ZNF652: variants seen among roughly 807,000 people sequenced by gnomAD.
ZNF652 encodes zinc finger protein 652.
Under a neutral mutation model 45.2 loss-of-function variants are expected in ZNF652, and 16 were observed. That is an observed-to-expected ratio of 0.35 (90% confidence interval 0.24 to 0.54). ZNF652 has a LOEUF of 0.54. Among genes scored for constraint, ZNF652 ranks in the 20% least tolerant of loss-of-function variants. The pLI is 0.91. For missense variants in ZNF652, 614 were observed against 765.6 expected, an observed-to-expected ratio of 0.80 and a Z score of 2.34; for synonymous variants, 250 against 260.6, an observed-to-expected ratio of 0.96 and a Z score of 0.39.
At chr17:49,301,769 G>C (rs1052796367) in intron 5 of ZNF652, among the ~76,000 whole-genome samples, 1 of 151,786 alleles carries the variant, frequency 6.6e-6, no homozygotes, top group Admixed American at 6.6e-5. Flanking sequence ...TTTCAAGCCT[G>C]TAATCCCAGC....
At chr17:49,311,263 T>C (rs1567918719) in intron 5 of ZNF652, 49 bp downstream of exon 5, 3 of 1,568,738 alleles carry the variant, frequency 1.9e-6, no homozygotes, top group East Asian at 2.3e-5. Flanking sequence ...CAGATGATCA[T>C]CAACAAGTGC....
At position 49,290,740 on chromosome 17, in the gene ZNF652, T is replaced by C. The variant is rs979509105; in HGVS notation, c.*7673A>G. The stretch of plus-strand genomic sequence containing the variant: ...GACTCCACACCCACACATCAATCAT[T>C]GCTTGGCATCATGAGGGATGAACGA... On this transcript the variant is annotated 3_prime_UTR_variant, in exon 6 of 6. Coordinates refer to ENST00000430262, the MANE Select transcript of ZNF652 (RefSeq NM_001145365.3). 2.8e-4 allele frequency: 42 copies of C among 152,228 alleles called. No homozygotes were observed. Among genetic ancestry groups the C allele is most frequent in the African/African-American group, 1.0e-3 (42 of 41,468 alleles). The allele number at this position is 152,228 out of a possible 1,614,324, so 9.4% of individuals were successfully genotyped here.
At chr17:49,308,608 C>A (rs2069664313) in intron 5 of ZNF652, among the ~76,000 whole-genome samples, 1 of 152,046 alleles carries the variant, frequency 6.6e-6, no homozygotes. Flanking sequence ...TCAAGACCAG[C>A]CTGGCCAACA....
chr17:49,356,708 G>A (rs2070341281), intron 1 of ZNF652, among the ~76,000 whole-genome samples: 1 of 151,966 alleles, frequency 6.6e-6, no homozygotes, highest in African/African-American at 2.4e-5. Context: ...TCCACTGATG[G>A]GCAAGCCTGT....
At chr17:49,312,515 A>G (rs917570512) in intron 3 of ZNF652, among the ~76,000 whole-genome samples, 183 bp downstream of exon 3, 7 of 152,146 alleles carry the variant, frequency 4.6e-5, no homozygotes, top group Non-Finnish European at 2.9e-5. Flanking sequence ...TGTTGAAAAG[A>G]AAGCTGGGTG....
intron 1 of ZNF652, among the ~76,000 whole-genome samples, chr17:49,328,176 T>C (rs979396139): frequency 1.3e-5 from 2 of 152,054 alleles, no homozygotes; most frequent in African/African-American, 4.8e-5. Flanking sequence ...CACTCACCTA[T>C]ACACATAACA....
chr17:49,339,786 T>C (rs1221999304), intron 1 of ZNF652, among the ~76,000 whole-genome samples: 1 of 152,214 alleles, frequency 6.6e-6, no homozygotes, highest in Non-Finnish European at 1.5e-5. Flanking sequence ...ACAGAGCCAT[T>C]GTTCCTGCCA....
chr17:49,327,808 G>A (rs1458688796), intron 1 of ZNF652, among the ~76,000 whole-genome samples: 1 of 99,828 alleles, frequency 1.0e-5, no homozygotes, highest in East Asian at 3.3e-4. Flanking sequence ...AGTAGAGATA[G>A]GGTTTCACCA....
chr17:49,351,041 AC>A (rs1305893242), intron 1 of ZNF652, among the ~76,000 whole-genome samples: 2 of 134,792 alleles, frequency 1.5e-5, no homozygotes, highest in Non-Finnish European at 3.2e-5. Flanking sequence ...ACACACACAC[AC>A]ACACACACAC....
rs777322991 is a variant in ZNF652, at chr17:49,316,787, C to G, written c.900+39G>C. The G allele has an allele frequency of 2.5e-6, 4 of 1,568,896 alleles. No individual in the cohort carries two copies. In the South Asian group the frequency reaches 3.6e-5, roughly 14 times the overall value. On this transcript the variant is annotated intron_variant, in intron 2 of 5. Coordinates refer to ENST00000430262, the MANE Select transcript of ZNF652 (RefSeq NM_001145365.3). Reference sequence around the variant, plus strand: ...CCAGATGAATCTGAACAGCCAGGTTCTATCCTGAAAAGTTTTCCCTCTCGG... The same window carrying G: ...CCAGATGAATCTGAACAGCCAGGTTGTATCCTGAAAAGTTTTCCCTCTCGG...
In ZNF652 at chr17:49,294,566, T is replaced by C. The variant is rs2069446447; in HGVS notation, c.*3847A>G. The C allele has an allele frequency of 6.6e-6, 1 of 152,308 alleles. No homozygotes were observed. The highest frequency in any genetic ancestry group is 2.4e-5 in the African/African-American group (1 of 41,562). The allele number at this position is 152,308 out of a possible 1,614,324, so 9.4% of individuals were successfully genotyped here. Reference sequence around the variant, plus strand: ...TCCGAATGAGCCTATCTGACTCAATTTGAGAAAGCAGCAGCCTTTATTAAG... The same window carrying C: ...TCCGAATGAGCCTATCTGACTCAATCTGAGAAAGCAGCAGCCTTTATTAAG... On this transcript the variant is annotated 3_prime_UTR_variant, in exon 6 of 6. Transcript: ENST00000430262.
rs535297145 is a variant in ZNF652, at chr17:49,294,087, A to G, written c.*4326T>C. Among the ~76,000 whole-genome samples the G allele has an allele frequency of 3.9e-5, 6 of 152,202 alleles. No homozygotes were observed. The highest frequency in any genetic ancestry group is 8.8e-5 in the Non-Finnish European group (6 of 68,024). ...ATTTCTATCTCTGCTTCATCTTCTCAAAATTTAAAACTTCCAGTGAAATAA... is the reference window on the plus strand; with the variant it reads ...ATTTCTATCTCTGCTTCATCTTCTCGAAATTTAAAACTTCCAGTGAAATAA... On this transcript the variant is annotated 3_prime_UTR_variant, in exon 6 of 6. Transcript: ENST00000430262.
At chr17:49,307,612 C>T (rs113056032) in intron 5 of ZNF652, among the ~76,000 whole-genome samples, 11,889 of 147,194 alleles carry the variant, frequency 0.081, 577 homozygotes, top group Middle Eastern at 0.15. Flanking sequence ...ATAGGCTGGG[C>T]GTGGCAGCAT....
At chr17:49,311,808 GA>G in intron 4 of ZNF652, 118 bp downstream of exon 4, 1 of 811,958 alleles carries the variant, frequency 1.2e-6, no homozygotes, top group African/African-American at 1.7e-5. Context: ...ACACATGTCT[GA>G]AAGTTCTGTG....
Position 49,306,383 on chromosome 17 carries a change from C to T in ZNF652, c.1309+4929G>A, listed in dbSNP as rs111399170. On this transcript the variant is annotated intron_variant, in intron 5 of 5. Coordinates refer to ENST00000430262, the MANE Select transcript of ZNF652 (RefSeq NM_001145365.3). ...ATTAATATAAGAAATCATTTCTCAC[C>T]TATCAAATCAGCAAGGATTTTATTT... is the stretch of plus-strand genomic sequence containing the variant. Among the ~76,000 whole-genome samples, 140 of 152,300 alleles carry T rather than the reference C, an allele frequency of 9.2e-4. 1 individual carries two copies. The highest frequency in any genetic ancestry group is 3.0e-3 in the African/African-American group (125 of 41,562).
In ZNF652 at chr17:49,293,766, G is replaced by A. The variant is rs1292917221; in HGVS notation, c.*4647C>T. ...TACTTGCTCAATTTTATAGTCCGAA[G>A]AATTCCAAATGAGTTGATTTTTTTA... is the stretch of plus-strand genomic sequence containing the variant. On this transcript the variant is annotated 3_prime_UTR_variant, in exon 6 of 6. Coordinates refer to ENST00000430262, the MANE Select transcript of ZNF652 (RefSeq NM_001145365.3). 6.7e-6 allele frequency among the ~76,000 whole-genome samples: 1 copy of A among 148,322 alleles called. No individual in the cohort carries two copies. The highest frequency in any genetic ancestry group is 1.5e-5 in the Non-Finnish European group (1 of 67,438).
chr17:49,356,141 T>C (rs916552836), intron 1 of ZNF652, among the ~76,000 whole-genome samples: 1 of 150,358 alleles, frequency 6.7e-6, no homozygotes, highest in Non-Finnish European at 1.5e-5. Flanking sequence ...AATGTGATAT[T>C]ACAGGGCCGG....
At position 49,294,558 on chromosome 17, in the gene ZNF652, G is replaced by T. The variant is rs1050646355; in HGVS notation, c.*3855C>A. Reference sequence around the variant, plus strand: ...AATCTAACTCCGAATGAGCCTATCTGACTCAATTTGAGAAAGCAGCAGCCT... The same window carrying T: ...AATCTAACTCCGAATGAGCCTATCTTACTCAATTTGAGAAAGCAGCAGCCT... On this transcript the variant is annotated 3_prime_UTR_variant, in exon 6 of 6. Coordinates refer to ENST00000430262, the MANE Select transcript of ZNF652 (RefSeq NM_001145365.3). 2.6e-5 allele frequency: 4 copies of T among 152,140 alleles called. No homozygotes were observed. The highest frequency in any genetic ancestry group is 9.7e-5 in the African/African-American group (4 of 41,434). The allele number at this position is 152,140 out of a possible 1,614,324, so 9.4% of individuals were successfully genotyped here.
chr17:49,360,472 C>A, intron 1 of ZNF652, among the ~76,000 whole-genome samples: 1 of 152,128 alleles, frequency 6.6e-6, no homozygotes, highest in East Asian at 1.9e-4. Context: ...ATCACTAAAA[C>A]TTAGTGAACA....
Sources: allele counts gnomAD v4.1 joint callset (sites outside exome capture counted in the v4.1 genomes callset), GRCh38; gene constraint gnomAD v4.1.1; transcripts MANE v1.5; gene names NCBI Gene and HGNC (gene_info 2026-07-23, HGNC 2026-07-21).